Variants in SRRM4 observed in about 807,000 individuals in gnomAD.
The protein encoded by SRRM4 is serine/arginine repetitive matrix protein 4.
In SRRM4, 33 loss-of-function variants were observed where a neutral mutation model predicts 68.9. The ratio of observed to expected loss-of-function variants is 0.48; its 90% CI spans 0.36 to 0.64. The LOEUF is 0.64. Ranked by LOEUF, SRRM4 falls within the 30% of genes least tolerant of loss-of-function variation. The pLI, the probability that SRRM4 is intolerant of heterozygous loss-of-function variation, is 0.00. For missense variants in SRRM4, 817 were observed against 827.1 expected (o/e 0.99, Z 0.15); for synonymous variants, 318 against 318.8 (o/e 1.00, Z 0.03).
At chr12:118,987,033 G>A (rs1479739989) in intron 1 of SRRM4, among the ~76,000 whole-genome samples, 1 of 152,166 alleles carries the variant, frequency 6.6e-6, no homozygotes, top group African/African-American at 2.4e-5. Context: ...TTTCGCTGAA[G>A]TGTGAGAGAA....
At chr12:119,035,835 C>G (rs779537634) in intron 1 of SRRM4, among the ~76,000 whole-genome samples, 15 of 152,084 alleles carry the variant, frequency 9.9e-5, no homozygotes, top group Non-Finnish European at 2.2e-4. Flanking sequence ...TTATCCCCTT[C>G]TTCTGTACTT....
chr12:119,113,770 C>T (rs951404034), intron 2 of SRRM4, among the ~76,000 whole-genome samples: 13 of 152,120 alleles, frequency 8.5e-5, no homozygotes, highest in Non-Finnish European at 1.6e-4. Flanking sequence ...TCTTGAAGAG[C>T]GGAGGTTTTT....
At chr12:119,035,947 G>T (rs185626019) in intron 1 of SRRM4, among the ~76,000 whole-genome samples, 1 of 152,162 alleles carries the variant, frequency 6.6e-6, no homozygotes. Flanking sequence ...TGTTCTAAGA[G>T]GGGCTTAGTC....
chr12:119,126,014 C>CTTTT lies in SRRM4; in HGVS notation c.614+559_614+562dup, dbSNP rs34680171. Among the ~76,000 whole-genome samples the CTTTT allele has an allele frequency of 8.6e-4, 61 of 71,162 alleles. 7 individuals are homozygous for CTTTT. The highest frequency in any genetic ancestry group is 3.0e-3 in the African/African-American group (54 of 17,722). 46.7% of individuals were successfully genotyped at this position (71,162 alleles called of 152,430 possible). Reference sequence around the variant, plus strand: ...AGGAATGACAACACCATACTAGCTGCTTTTTTTTTTTTTTTTTTTTTTTTT... The same window carrying CTTTT: ...AGGAATGACAACACCATACTAGCTGCTTTTTTTTTTTTTTTTTTTTTTTTTTTTT... On this transcript the variant is annotated intron_variant, in intron 7 of 12. Coordinates refer to ENST00000267260, the MANE Select transcript of SRRM4 (RefSeq NM_194286.4).
chr12:119,115,333 A>G (rs1459306050), intron 3 of SRRM4, among the ~76,000 whole-genome samples: 1 of 152,200 alleles, frequency 6.6e-6, no homozygotes, highest in Non-Finnish European at 1.5e-5. Context: ...TATATTTAAA[A>G]TGATTTCCAG....
intron 2 of SRRM4, among the ~76,000 whole-genome samples, chr12:119,113,631 T>C (rs1224032410): frequency 1.3e-5 from 2 of 152,222 alleles, no homozygotes; most frequent in African/African-American, 4.8e-5. Flanking sequence ...TCTAAAACCA[T>C]CTTCCTTTGC....
intron 2 of SRRM4, among the ~76,000 whole-genome samples, chr12:119,104,071 A>G (rs1310430626): frequency 1.3e-5 from 2 of 152,198 alleles, no homozygotes; most frequent in Admixed American, 1.3e-4. Flanking sequence ...CCTGTCACTT[A>G]CGAACTGAGC....
chr12:119,156,471 C>G, intron 12 of SRRM4, 24 bp from the exon 13 acceptor site: 1 of 1,567,190 alleles, frequency 6.4e-7, no homozygotes. Flanking sequence ...CGGCCCTCAT[C>G]CCTCCTCTCT....
At chr12:119,108,964 T>C (rs1954125565) in intron 2 of SRRM4, among the ~76,000 whole-genome samples, 1 of 152,224 alleles carries the variant, frequency 6.6e-6, no homozygotes. Context: ...TAGTATCAGT[T>C]GTTCCTTTCC....
In SRRM4 at chr12:119,096,431, G is replaced by T. The variant is rs79539967; in HGVS notation, c.132-5805G>T. 5.4e-4 allele frequency among the ~76,000 whole-genome samples: 82 copies of T among 152,278 alleles called. No homozygotes were observed. The East Asian group carries it at 0.014, about 26-fold the overall frequency. ...TGTTCTTCACAGTAGGGATGGTAAT[G>T]CTGGCTCATGGGTTTCTTTGAAAAC... On this transcript the variant is annotated intron_variant, in intron 1 of 12. Transcript: ENST00000267260.
At chr12:119,007,540 T>C (rs1289850136) in intron 1 of SRRM4, among the ~76,000 whole-genome samples, 1 of 152,154 alleles carries the variant, frequency 6.6e-6, no homozygotes, top group Non-Finnish European at 1.5e-5. Context: ...TTTCCATCCA[T>C]CTCATCATTT....
chr12:119,030,441 T>A (rs1020158903), intron 1 of SRRM4, among the ~76,000 whole-genome samples: 1 of 152,202 alleles, frequency 6.6e-6, no homozygotes, highest in Non-Finnish European at 1.5e-5. Context: ...GAGAGTTTAG[T>A]TCTGGCTTAG....
chr12:118,994,982 A>G (rs1374140722), intron 1 of SRRM4, among the ~76,000 whole-genome samples: 3 of 152,162 alleles, frequency 2.0e-5, no homozygotes. Flanking sequence ...AGGGAAAGGC[A>G]TTTACCCAAA....
intron 1 of SRRM4, among the ~76,000 whole-genome samples, chr12:118,984,477 T>C (rs1172456960): frequency 1.3e-5 from 2 of 152,134 alleles, no homozygotes; most frequent in African/African-American, 4.8e-5. Flanking sequence ...TGCAGGGGGA[T>C]GGCAGGGAGT....
intron 2 of SRRM4, among the ~76,000 whole-genome samples, chr12:119,110,116 C>A (rs146679635): frequency 0.038 from 5,743 of 152,302 alleles, 184 homozygotes; most frequent in East Asian, 0.097. Flanking sequence ...GCCTGGGTAT[C>A]ACCAGCGGAG....
chr12:119,106,944 GT>G (rs1954111379), intron 2 of SRRM4, among the ~76,000 whole-genome samples: 1 of 152,164 alleles, frequency 6.6e-6, no homozygotes, highest in Non-Finnish European at 1.5e-5. Flanking sequence ...TTGGCTGTGG[GT>G]TTGTCATAAA....
At chr12:119,119,156 G>C (rs903718783) in intron 4 of SRRM4, among the ~76,000 whole-genome samples, 1 of 151,498 alleles carries the variant, frequency 6.6e-6, no homozygotes, top group African/African-American at 2.4e-5. Context: ...CTAGGTGATG[G>C]GTTGATAGGT....
chr12:118,998,268 C>CATAAAAAAA (rs1953361501), intron 1 of SRRM4, among the ~76,000 whole-genome samples: 1 of 36,574 alleles, frequency 2.7e-5, no homozygotes, highest in Non-Finnish European at 4.5e-5. Flanking sequence ...AGCAATATGG[C>CATAAAAAAA]AAAAAAAAAA....
At chr12:119,127,716 GAA>G (rs947102503) in intron 7 of SRRM4, among the ~76,000 whole-genome samples, 1 of 138,202 alleles carries the variant, frequency 7.2e-6, no homozygotes. Flanking sequence ...TGACAAAAGT[GAA>G]AGTCTGTCTC....
Sources: allele counts gnomAD v4.1 joint callset (sites outside exome capture counted in the v4.1 genomes callset), GRCh38; gene constraint gnomAD v4.1.1; transcripts MANE v1.5; gene names NCBI Gene and HGNC (gene_info 2026-07-23, HGNC 2026-07-21).